The following GPR158 variants were observed in gnomAD, a reference collection of about 807,000 sequenced individuals.
GPR158 encodes G protein-coupled receptor 158, also known as metabotropic glycine receptor.
In GPR158, 30 loss-of-function variants were observed where a neutral mutation model predicts 78.2. The ratio of observed to expected loss-of-function variants is 0.38; its 90% confidence interval spans 0.29 to 0.52. The LOEUF (loss-of-function observed/expected upper bound fraction) is 0.52. GPR158 is among the 20% of genes least tolerant of loss of function. The pLI, the probability that GPR158 is intolerant of heterozygous loss-of-function variation, is 0.83. For missense variants in GPR158, 1,463 were observed against 1,523.5 expected (o/e 0.96, Z 0.66); for synonymous variants, 581 against 591.1 (o/e 0.98, Z 0.25).
chr10:25,500,952 C>T (rs1258926083), intron 5 of GPR158, among the ~76,000 whole-genome samples: 1 of 152,174 alleles, frequency 6.6e-6, no homozygotes, highest in African/African-American at 2.4e-5. Context: ...CATCAAGTCA[C>T]ATTCATACTG....
At chr10:25,265,810 T>C (rs1854038112) in intron 2 of GPR158, among the ~76,000 whole-genome samples, 1 of 152,166 alleles carries the variant, frequency 6.6e-6, no homozygotes, top group African/African-American at 2.4e-5. Flanking sequence ...CTTTCTTCCT[T>C]GGTTTTGTTC....
intron 1 of GPR158, among the ~76,000 whole-genome samples, chr10:25,198,352 T>C (rs1057320940): frequency 1.3e-5 from 2 of 152,196 alleles, no homozygotes; most frequent in Non-Finnish European, 2.9e-5. Context: ...TTGGCAAGCT[T>C]CTCTGGACAT....
intron 2 of GPR158, among the ~76,000 whole-genome samples, chr10:25,385,007 C>A (rs117910900): frequency 6.6e-6 from 1 of 152,114 alleles, no homozygotes; most frequent in East Asian, 1.9e-4. Flanking sequence ...CTATCTTAAC[C>A]TATTTAACTG....
intron 2 of GPR158, among the ~76,000 whole-genome samples, chr10:25,239,005 A>G (rs2130703913): frequency 6.6e-6 from 1 of 152,270 alleles, no homozygotes; most frequent in South Asian, 2.1e-4. Flanking sequence ...ATAATTCAGA[A>G]CTGGAAAGAT....
At chr10:25,294,328 A>G (rs1043232276) in intron 2 of GPR158, among the ~76,000 whole-genome samples, 3 of 152,200 alleles carry the variant, frequency 2.0e-5, no homozygotes, top group African/African-American at 7.2e-5. Context: ...TTTCTAACGA[A>G]TATTAAAATC....
intron 3 of GPR158, among the ~76,000 whole-genome samples, chr10:25,405,070 A>G (rs1834494378): frequency 6.6e-6 from 1 of 152,134 alleles, no homozygotes; most frequent in African/African-American, 2.4e-5. Flanking sequence ...AAATTGGAGA[A>G]CATTGCAATC....
intron 2 of GPR158, among the ~76,000 whole-genome samples, chr10:25,228,594 A>G (rs1316154622): frequency 6.6e-6 from 1 of 152,166 alleles, no homozygotes; most frequent in Non-Finnish European, 1.5e-5. Context: ...TATAGAGAAA[A>G]GTGATGATTG....
chr10:25,484,655 T>C lies in GPR158; in HGVS notation c.1404+17936T>C, dbSNP rs72786271. Among the ~76,000 whole-genome samples the C allele has an allele frequency of 4.1e-3, 622 of 152,316 alleles. 4 individuals are homozygous for C. Among genetic ancestry groups the C allele is most frequent in the South Asian group, 8.9e-3 (43 of 4,832 alleles). On this transcript the variant is annotated intron_variant, in intron 5 of 10. Transcript: ENST00000376351. Reference sequence around the variant, plus strand: ...TCATAGCTGGAGTGTTTTTGCTATGTAGAAAGAAAATTCTGAAAAGGGTGA... The same window carrying C: ...TCATAGCTGGAGTGTTTTTGCTATGCAGAAAGAAAATTCTGAAAAGGGTGA...
chr10:25,474,012 G>C (rs1409184760), intron 5 of GPR158, among the ~76,000 whole-genome samples: 1 of 152,080 alleles, frequency 6.6e-6, no homozygotes, highest in Non-Finnish European at 1.5e-5. Context: ...GATTATCTGG[G>C]TGTGACCATG....
In GPR158 at chr10:25,290,048, C is replaced by T. The variant is rs538476343; in HGVS notation, c.1008+68891C>T. Among the ~76,000 whole-genome samples the T allele has an allele frequency of 2.0e-5, 3 of 152,210 alleles. No homozygotes were observed. In the South Asian group the frequency reaches 6.2e-4, roughly 32 times the overall value. On this transcript the variant is annotated intron_variant, in intron 2 of 10. Coordinates refer to ENST00000376351, the MANE Select transcript of GPR158 (RefSeq NM_020752.3). ...TAAAATTATCACACAGTTAGTGACCCTATGAGGTCACAAACACAAAGTAAC... is the reference window on the plus strand; with the variant it reads ...TAAAATTATCACACAGTTAGTGACCTTATGAGGTCACAAACACAAAGTAAC...
chr10:25,459,399 T>C (rs543930921), intron 4 of GPR158, among the ~76,000 whole-genome samples: 2 of 152,290 alleles, frequency 1.3e-5, no homozygotes, highest in African/African-American at 4.8e-5. Context: ...ATTTTCCTCA[T>C]AGATGCTGGG....
intron 1 of GPR158, among the ~76,000 whole-genome samples, chr10:25,191,632 A>G (rs1852772755): frequency 6.6e-6 from 1 of 152,222 alleles, no homozygotes; most frequent in Non-Finnish European, 1.5e-5. Flanking sequence ...AGCTTCATAT[A>G]AACAGCTTCA....
At chr10:25,581,155 C>T (rs994172110) in intron 7 of GPR158, among the ~76,000 whole-genome samples, 2 of 151,732 alleles carry the variant, frequency 1.3e-5, no homozygotes, top group African/African-American at 4.8e-5. Flanking sequence ...GTCTCAATCT[C>T]CTGACCTCAT....
intron 2 of GPR158, among the ~76,000 whole-genome samples, chr10:25,325,468 TACAC>T (rs3054025): frequency 0.016 from 2,463 of 149,934 alleles, 74 homozygotes; most frequent in African/African-American, 0.056. Flanking sequence ...TATATATAAT[TACAC>T]ACACACACAC....
intron 5 of GPR158, among the ~76,000 whole-genome samples, chr10:25,501,653 G>A (rs1157170028): frequency 6.6e-6 from 1 of 152,170 alleles, no homozygotes; most frequent in African/African-American, 2.4e-5. Flanking sequence ...TGCGGCTCTG[G>A]CCAGTGTGCG....
At chr10:25,334,997 T>A (rs1855177821) in intron 2 of GPR158, among the ~76,000 whole-genome samples, 1 of 152,044 alleles carries the variant, frequency 6.6e-6, no homozygotes, top group Admixed American at 6.6e-5. Context: ...TGCAAATCTT[T>A]GATTTTTTAA....
At chr10:25,563,004 T>C (rs1020259765) in intron 6 of GPR158, among the ~76,000 whole-genome samples, 7 of 152,178 alleles carry the variant, frequency 4.6e-5, no homozygotes, top group Non-Finnish European at 8.8e-5. Context: ...TCTTGAGGGA[T>C]TGACCCTTTT....
rs569084537 is a variant in GPR158, at chr10:25,429,900, T to C, written c.1335+17427T>C. On this transcript the variant is annotated intron_variant, in intron 4 of 10. Coordinates refer to ENST00000376351, the MANE Select transcript of GPR158 (RefSeq NM_020752.3). ...CTATCTATGACAAACCCACAGCCAA[T>C]ATCATACTGAATGGGCAAAAACTGG... 5.8e-3 allele frequency among the ~76,000 whole-genome samples: 808 copies of C among 139,830 alleles called. 8 individuals are homozygous for C. Among genetic ancestry groups the C allele is most frequent in the Non-Finnish European group, 8.8e-3 (568 of 64,680 alleles). The allele number at this position is 139,830 out of a possible 152,430, so 91.7% of individuals were successfully genotyped here.
chr10:25,486,237 A>T (rs866648850), intron 5 of GPR158, among the ~76,000 whole-genome samples: 1 of 152,102 alleles, frequency 6.6e-6, no homozygotes, highest in South Asian at 2.1e-4. Context: ...CCTACTTTCA[A>T]CTTTGACCTT....
Sources: gnomAD v4.1 joint callset for allele counts (sites outside exome capture counted in the v4.1 genomes callset) on GRCh38, gnomAD v4.1.1 for gene constraint, MANE v1.5 for transcripts, NCBI Gene and HGNC (gene_info 2026-07-23, HGNC 2026-07-21) for gene names.